The following ALG14 variants were observed in gnomAD, a reference collection of about 807,000 sequenced individuals.
ALG14 encodes ALG14 UDP-N-acetylglucosaminyltransferase subunit, also known as UDP-N-acetylglucosamine transferase subunit ALG14.
ALG14 carries 17 observed loss-of-function variants against 22.8 expected under a neutral mutation model. The ratio of observed to expected loss-of-function variants is 0.75; its 90% confidence interval spans 0.51 to 1.12. The LOEUF (loss-of-function observed/expected upper bound fraction) is 1.12, where lower values mean the gene tolerates loss of function less well. Among genes scored for constraint, ALG14 ranks in the 50% most tolerant of loss-of-function variants. ALG14 has a pLI of 0.00. For missense variants in ALG14, 288 were observed against 271.8 expected, an observed-to-expected ratio of 1.06 and a Z score of -0.42; for synonymous variants, 89 against 103.7, an observed-to-expected ratio of 0.86 and a Z score of 0.86.
intron 3 of ALG14, among the ~76,000 whole-genome samples, chr1:94,996,476 C>T (rs973017537): frequency 2.0e-5 from 3 of 152,192 alleles, no homozygotes; most frequent in African/African-American, 7.2e-5. Flanking sequence ...AGCAGCCCTG[C>T]TGAACCCATC....
At chr1:95,058,453 A>T (rs1325355316) in intron 2 of ALG14, among the ~76,000 whole-genome samples, 1 of 148,400 alleles carries the variant, frequency 6.7e-6, no homozygotes, top group African/African-American at 2.5e-5. Context: ...ATCTTTACTA[A>T]TAATACCAAA....
At chr1:95,052,541 T>C (rs550430529) in intron 2 of ALG14, among the ~76,000 whole-genome samples, 1 of 152,178 alleles carries the variant, frequency 6.6e-6, no homozygotes, top group Non-Finnish European at 1.5e-5. Flanking sequence ...TTTAACTAGT[T>C]ACTCATGTTA....
At chr1:95,069,206 C>T (rs1309209131) in intron 1 of ALG14, among the ~76,000 whole-genome samples, 2 of 152,114 alleles carry the variant, frequency 1.3e-5, no homozygotes, top group African/African-American at 2.4e-5. Flanking sequence ...AAGTCATGTG[C>T]GGTGGCACGT....
At chr1:95,062,556 T>C (rs751852923) in intron 2 of ALG14, among the ~76,000 whole-genome samples, 1 of 152,198 alleles carries the variant, frequency 6.6e-6, no homozygotes, top group Non-Finnish European at 1.5e-5. Context: ...AGTATTTAGT[T>C]TTCTGTTCCT....
intron 2 of ALG14, among the ~76,000 whole-genome samples, chr1:95,035,461 A>G (rs1233411910): frequency 1.3e-5 from 2 of 152,200 alleles, no homozygotes; most frequent in Admixed American, 6.5e-5. Flanking sequence ...AGGCCTCCCA[A>G]CGCTCCCTAT....
In ALG14 at chr1:94,981,167, C is replaced by T. The variant is rs948402638; in HGVS notation, c.*1909G>A. On this transcript the variant is annotated 3_prime_UTR_variant, in exon 4 of 4. Transcript: ENST00000370205. Reference sequence around the variant, plus strand: ...CTGTTGTCCCTGAAAAAATCACTTTCTTTCTAGAACAGTCAAGGCTTATTT... The same window carrying T: ...CTGTTGTCCCTGAAAAAATCACTTTTTTTCTAGAACAGTCAAGGCTTATTT... 2 of 152,202 alleles carry T rather than the reference C, an allele frequency of 1.3e-5. No individual in the cohort carries two copies. The highest frequency in any genetic ancestry group is 4.8e-5 in the African/African-American group (2 of 41,452). The allele number at this position is 152,202 out of a possible 1,614,324, so 9.4% of individuals were successfully genotyped here. A position where few individuals can be genotyped will look rare whatever the true frequency, so the allele number is the denominator to read the frequency against.
intron 3 of ALG14, among the ~76,000 whole-genome samples, chr1:95,016,969 G>GTGTGTGTGTGTA (rs1673516009): frequency 1.3e-5 from 2 of 150,772 alleles, no homozygotes; most frequent in Non-Finnish European, 3.0e-5. Flanking sequence ...GTGTGTGTGT[G>GTGTGTGTGTGTA]TGTGTGTGTG....
At chr1:95,059,724 A>G (rs983678688) in intron 2 of ALG14, among the ~76,000 whole-genome samples, 4 of 152,018 alleles carry the variant, frequency 2.6e-5, no homozygotes, top group African/African-American at 9.7e-5. Context: ...CCAAAATGGT[A>G]GCTACTAGCC....
intron 3 of ALG14, among the ~76,000 whole-genome samples, chr1:95,013,332 G>T (rs547812602): frequency 7.3e-5 from 11 of 151,464 alleles, no homozygotes; most frequent in African/African-American, 2.4e-4. Context: ...CTCTTGTTTT[G>T]ATTTATTTAT....
chr1:95,046,493 C>T (rs1674560485), intron 2 of ALG14, among the ~76,000 whole-genome samples: 1 of 152,240 alleles, frequency 6.6e-6, no homozygotes, highest in African/African-American at 2.4e-5. Context: ...CATCCTCCAC[C>T]ATCTGTGGAA....
chr1:94,984,562 T>G (rs1672588629), intron 3 of ALG14, among the ~76,000 whole-genome samples: 1 of 152,204 alleles, frequency 6.6e-6, no homozygotes, highest in South Asian at 2.1e-4. Flanking sequence ...TCCTCAAAGC[T>G]CTCTACCTAC....
intron 2 of ALG14, among the ~76,000 whole-genome samples, chr1:95,052,789 A>G (rs1674791516): frequency 6.6e-6 from 1 of 151,640 alleles, no homozygotes; most frequent in Non-Finnish European, 1.5e-5. Context: ...CCCGGGAGAC[A>G]CAGGTTGTAC....
chr1:95,005,951 C>T (rs61772641), intron 3 of ALG14, among the ~76,000 whole-genome samples: 20,007 of 152,178 alleles, frequency 0.13, 1,461 homozygotes, highest in South Asian at 0.19. Flanking sequence ...AACTCTGTTT[C>T]ATATAGAAAG....
intron 2 of ALG14, among the ~76,000 whole-genome samples, chr1:95,034,429 A>G (rs1025461636): frequency 6.6e-6 from 1 of 152,234 alleles, no homozygotes; most frequent in Non-Finnish European, 1.5e-5. Context: ...TACTCAGTAA[A>G]TAACTTGCTG....
chr1:95,020,269 A>C (rs2391388), intron 3 of ALG14, among the ~76,000 whole-genome samples: 74,502 of 151,840 alleles, frequency 0.49, 18,843 homozygotes, highest in East Asian at 0.82. Context: ...ATCAAATTGC[A>C]AAGTATCAAA....
chr1:95,049,293 G>A (rs1674666423), intron 2 of ALG14, among the ~76,000 whole-genome samples: 1 of 152,140 alleles, frequency 6.6e-6, no homozygotes, highest in South Asian at 2.1e-4. Context: ...AGCACGTTGG[G>A]AGGTGAAAAT....
At chr1:95,042,879 C>T (rs1328587901) in intron 2 of ALG14, among the ~76,000 whole-genome samples, 1 of 152,098 alleles carries the variant, frequency 6.6e-6, no homozygotes, top group East Asian at 1.9e-4. Context: ...TTTCCTTGTT[C>T]CTTCTGAATA....
At position 94,983,003 on chromosome 1, in the gene ALG14, G is replaced by A; in HGVS notation, c.*73C>T. 1.6e-6 allele frequency: 2 copies of A among 1,277,996 alleles called. No individual in the cohort carries two copies. Among genetic ancestry groups the A allele is most frequent in the Non-Finnish European group, 2.3e-6 (2 of 886,310 alleles). The allele number at this position is 1,277,996 out of a possible 1,614,324, so 79.2% of individuals were successfully genotyped here. ...CAGACGCCTTTACAAGAAACATGTA[G>A]GGTTTTTTTCCCCCCAATTTGAGTA... On this transcript the variant is annotated 3_prime_UTR_variant, in exon 4 of 4. Transcript: ENST00000370205.
At chr1:95,043,053 G>GT (rs940814311) in intron 2 of ALG14, among the ~76,000 whole-genome samples, 15 of 151,758 alleles carry the variant, frequency 9.9e-5, no homozygotes, top group East Asian at 1.9e-4. Flanking sequence ...TAGCCAAGGG[G>GT]TTTTTTTTGT....
Sources: gnomAD v4.1 joint callset for allele counts (sites outside exome capture counted in the v4.1 genomes callset) on GRCh38, gnomAD v4.1.1 for gene constraint, MANE v1.5 for transcripts, NCBI Gene and HGNC (gene_info 2026-07-23, HGNC 2026-07-21) for gene names.